Variants in RARB observed in about 807,000 individuals in gnomAD.
The protein encoded by RARB is HBV-activated protein.
RARB carries 17 observed loss-of-function variants against 51.9 expected under a neutral mutation model. That is an observed-to-expected ratio of 0.33 (90% CI 0.22 to 0.49). The LOEUF (loss-of-function observed/expected upper bound fraction) is 0.49, where lower values mean the gene tolerates loss of function less well. RARB is among the 20% of genes least tolerant of loss of function. RARB has a pLI of 0.99. For missense variants in RARB, 369 were observed against 550.8 expected, an observed-to-expected ratio of 0.67 and a Z score of 3.30; for synonymous variants, 215 against 195.4, an observed-to-expected ratio of 1.10 and a Z score of -0.84.
At chr3:25,464,329 C>G (rs953723598) in intron 2 of RARB, among the ~76,000 whole-genome samples, 7 of 152,128 alleles carry the variant, frequency 4.6e-5, no homozygotes, top group Non-Finnish European at 1.0e-4. Flanking sequence ...GTTTGGGATT[C>G]TGACTCCTTT....
chr3:25,585,151 G>A (rs1041326827), intron 5 of RARB, among the ~76,000 whole-genome samples: 3 of 152,144 alleles, frequency 2.0e-5, no homozygotes, highest in African/African-American at 7.2e-5. Context: ...CAATGAAGAT[G>A]GCAATAGAAG....
chr3:25,162,960 A>G (rs1191180827), intron 4 of RARB, among the ~76,000 whole-genome samples: 2 of 152,212 alleles, frequency 1.3e-5, no homozygotes, highest in Non-Finnish European at 2.9e-5. Flanking sequence ...ACTGGGTTAT[A>G]TGGTAGTTCC....
intron 1 of RARB, among the ~76,000 whole-genome samples, chr3:25,450,849 G>C (rs1243955740): frequency 1.3e-5 from 2 of 152,184 alleles, no homozygotes; most frequent in African/African-American, 4.8e-5. Flanking sequence ...ACTTTGGGAG[G>C]CCAAGGAGGA....
At chr3:25,256,238 CG>C (rs976370018) in intron 5 of RARB, among the ~76,000 whole-genome samples, 1 of 152,134 alleles carries the variant, frequency 6.6e-6, no homozygotes, top group African/African-American at 2.4e-5. Context: ...TGAAAAGATA[CG>C]GCCCCTTCCT....
At chr3:25,165,655 C>A (rs1175538043) in intron 4 of RARB, among the ~76,000 whole-genome samples, 1 of 152,116 alleles carries the variant, frequency 6.6e-6, no homozygotes, top group Non-Finnish European at 1.5e-5. Flanking sequence ...ATGGTCCAAG[C>A]AGACCTTTAG....
intron 5 of RARB, among the ~76,000 whole-genome samples, chr3:25,384,647 T>C (rs942602133): frequency 6.6e-6 from 1 of 152,210 alleles, no homozygotes; most frequent in African/African-American, 2.4e-5. Flanking sequence ...CCTCCTCACC[T>C]GAGAACATTC....
rs537291927 is a variant in RARB, at chr3:25,505,553, T to C, written c.448+4230T>C. On this transcript the variant is annotated intron_variant, in intron 3 of 7. Transcript: ENST00000330688. ...GTATGCTTATTTCTTCATTTTTTTT[T>C]TTTTCTGTTTTGTAAATGCTGCTGG... is the stretch of plus-strand genomic sequence containing the variant. 3.8e-4 allele frequency among the ~76,000 whole-genome samples: 58 copies of C among 151,990 alleles called. 2 individuals carry two copies. The East Asian group carries it at 0.011, about 28-fold the overall frequency.
chr3:25,456,702 G>T (rs944627020), intron 1 of RARB, among the ~76,000 whole-genome samples: 1 of 147,922 alleles, frequency 6.8e-6, no homozygotes, highest in Non-Finnish European at 1.5e-5. Context: ...GAGAGAGAGA[G>T]AGAGAGAGAG....
chr3:25,591,806 A>G (rs1177431495), intron 5 of RARB, among the ~76,000 whole-genome samples: 1 of 152,156 alleles, frequency 6.6e-6, no homozygotes. Context: ...CTGCACCCTC[A>G]CTCTATAGGA....
chr3:25,101,645 TTA>T (rs567961991), intron 3 of RARB, among the ~76,000 whole-genome samples: 183 of 151,156 alleles, frequency 1.2e-3, no homozygotes, highest in African/African-American at 3.3e-3. Context: ...TGCTAAATCT[TTA>T]TGTTTTTTTT....
At chr3:24,981,772 T>C (rs1480081566) in intron 2 of RARB, among the ~76,000 whole-genome samples, 1 of 152,172 alleles carries the variant, frequency 6.6e-6, no homozygotes, top group Non-Finnish European at 1.5e-5. Context: ...CTGCTTCAGC[T>C]CACCTTCCAT....
chr3:25,306,220 C>T (rs1035696063), intron 5 of RARB, among the ~76,000 whole-genome samples: 2 of 152,150 alleles, frequency 1.3e-5, no homozygotes, highest in African/African-American at 2.4e-5. Flanking sequence ...GCCAGCTGCC[C>T]CCCAGGAAGG....
chr3:24,922,708 G>T (rs1360585750), intron 2 of RARB, among the ~76,000 whole-genome samples: 1 of 152,152 alleles, frequency 6.6e-6, no homozygotes, highest in East Asian at 1.9e-4. Flanking sequence ...GGAAAGGAAG[G>T]CTAGAGTAGG....
intron 4 of RARB, among the ~76,000 whole-genome samples, chr3:25,162,559 C>T (rs1700490231): frequency 6.6e-6 from 1 of 152,220 alleles, no homozygotes; most frequent in South Asian, 2.1e-4. Context: ...AGGAACTCCA[C>T]ACTCATTAGC....
intron 2 of RARB, among the ~76,000 whole-genome samples, chr3:25,045,581 T>G (rs1444376275): frequency 6.6e-6 from 1 of 152,200 alleles, no homozygotes; most frequent in Non-Finnish European, 1.5e-5. Context: ...TACTACAGTG[T>G]GTGAGTTGGT....
intron 5 of RARB, among the ~76,000 whole-genome samples, chr3:25,196,291 G>T (rs577199954): frequency 7.8e-4 from 118 of 151,782 alleles, no homozygotes; most frequent in Admixed American, 2.4e-3. Flanking sequence ...TCATGGTTCA[G>T]TTCCCACCTA....
intron 2 of RARB, among the ~76,000 whole-genome samples, chr3:25,057,654 G>T (rs1021409374): frequency 1.3e-5 from 2 of 151,910 alleles, no homozygotes; most frequent in Non-Finnish European, 2.9e-5. Flanking sequence ...AAATGAAAAG[G>T]ACTTCTTTTG....
At chr3:24,957,558 G>A (rs1696043465) in intron 2 of RARB, among the ~76,000 whole-genome samples, 1 of 152,166 alleles carries the variant, frequency 6.6e-6, no homozygotes. Flanking sequence ...ATTGTTCTCA[G>A]TAAAGCTATG....
At chr3:25,143,154 A>C (rs1186821524) in intron 4 of RARB, among the ~76,000 whole-genome samples, 1 of 152,084 alleles carries the variant, frequency 6.6e-6, no homozygotes, top group Admixed American at 6.5e-5. Context: ...AGGAGCCTGT[A>C]CTTAGACACA....
Sources: gnomAD v4.1 joint callset for allele counts (sites outside exome capture counted in the v4.1 genomes callset) on GRCh38, gnomAD v4.1.1 for gene constraint, MANE v1.5 for transcripts, NCBI Gene and HGNC (gene_info 2026-07-23, HGNC 2026-07-21) for gene names.